KIF26B: variants seen among roughly 807,000 people sequenced by gnomAD.
KIF26B encodes kinesin-like protein KIF26B.
KIF26B carries 63 observed loss-of-function variants against 151.2 expected under a neutral mutation model. The ratio of observed to expected loss-of-function variants is 0.42; its 90% CI spans 0.34 to 0.51. KIF26B has a LOEUF of 0.51. Among genes scored for constraint, KIF26B ranks in the 20% least tolerant of loss-of-function variants. The pLI is 0.07. For missense variants in KIF26B, 2,813 were observed against 2,913.6 expected, an observed-to-expected ratio of 0.97 and a Z score of 0.79; for synonymous variants, 1,357 against 1,262.1, an observed-to-expected ratio of 1.08 and a Z score of -1.59.
At chr1:245,639,261 ATAGT>A (rs2103179130) in intron 9 of KIF26B, among the ~76,000 whole-genome samples, 1 of 151,942 alleles carries the variant, frequency 6.6e-6, no homozygotes, top group Admixed American at 6.5e-5. Context: ...TTATTGGCAT[ATAGT>A]TATTCATAAT....
chr1:245,466,403 C>T (rs911940848), intron 4 of KIF26B, among the ~76,000 whole-genome samples: 11 of 152,152 alleles, frequency 7.2e-5, no homozygotes, highest in South Asian at 2.1e-4. Flanking sequence ...GGCTGCAACC[C>T]GAAGTTATTT....
intron 8 of KIF26B, among the ~76,000 whole-genome samples, chr1:245,610,408 C>A (rs184357904): frequency 6.6e-6 from 1 of 152,122 alleles, no homozygotes; most frequent in Non-Finnish European, 1.5e-5. Context: ...CGCTGGGCAC[C>A]CCCCCAGAGT....
intron 4 of KIF26B, among the ~76,000 whole-genome samples, chr1:245,529,861 G>C (rs1300853625): frequency 6.6e-6 from 1 of 152,056 alleles, no homozygotes; most frequent in Non-Finnish European, 1.5e-5. Context: ...CACAGCACAG[G>C]AAACAATCAA....
At chr1:245,172,951 C>G (rs1317867713) in intron 2 of KIF26B, among the ~76,000 whole-genome samples, 1 of 152,304 alleles carries the variant, frequency 6.6e-6, no homozygotes, top group Non-Finnish European at 1.5e-5. Context: ...GTACGATAGC[C>G]ATGTTCATAG....
intron 5 of KIF26B, among the ~76,000 whole-genome samples, chr1:245,582,969 T>C (rs945348197): frequency 1.3e-4 from 20 of 152,004 alleles, no homozygotes; most frequent in African/African-American, 4.8e-4. Context: ...CCCCACTCTC[T>C]CTCAGAGGTG....
At chr1:245,347,493 A>T (rs901305020) in intron 2 of KIF26B, among the ~76,000 whole-genome samples, 2 of 151,950 alleles carry the variant, frequency 1.3e-5, no homozygotes, top group African/African-American at 4.8e-5. Context: ...GCTAATTTTT[A>T]AATTTTTTTT....
chr1:245,224,286 A>G (rs1669832564), intron 2 of KIF26B, among the ~76,000 whole-genome samples: 1 of 39,648 alleles, frequency 2.5e-5, no homozygotes, highest in Non-Finnish European at 8.2e-5. Context: ...ACTCCGTCTC[A>G]AAGAAAAAAA....
At chr1:245,231,675 A>AAGGAGGAGGAGGAGGATAAGG (rs1670001496) in intron 2 of KIF26B, among the ~76,000 whole-genome samples, 1 of 152,016 alleles carries the variant, frequency 6.6e-6, no homozygotes, top group Non-Finnish European at 1.5e-5. Context: ...GATGAGGGAG[A>AAGGAGGAGGAGGAGGATAAGG]AGGAGGAGGA....
In KIF26B at chr1:245,540,535, G is replaced by A. The variant is rs745441011; in HGVS notation, c.1167-232G>A. The A allele has an allele frequency of 1.2e-5, 8 of 695,230 alleles. No individual in the cohort carries two copies. The South Asian group carries it at 1.2e-4, about 10-fold the overall frequency. The allele number at this position is 695,230 out of a possible 1,614,324, so 43.1% of individuals were successfully genotyped here. ...TCATTCTTTGTAAATCGTGATTGCA[G>A]AATCCTGCTATTTTATGGCTTTGTT... On this transcript the variant is annotated intron_variant, in intron 4 of 14. Coordinates refer to ENST00000407071, the MANE Select transcript of KIF26B (RefSeq NM_018012.4). This position sits in a 1 kb window ranked among gnomAD's most constrained non-coding sequence, Gnocchi z 4.6.
intron 2 of KIF26B, among the ~76,000 whole-genome samples, chr1:245,354,284 G>A (rs370256115): frequency 1.3e-5 from 2 of 152,174 alleles, no homozygotes; most frequent in African/African-American, 4.8e-5. Flanking sequence ...AAACTACAAA[G>A]TTACCATGAT....
At chr1:245,418,140 C>T (rs1237702844) in intron 3 of KIF26B, among the ~76,000 whole-genome samples, 1 of 152,204 alleles carries the variant, frequency 6.6e-6, no homozygotes, top group East Asian at 1.9e-4. Context: ...CAGCTGCGCC[C>T]TCCAAGCTGC....
intron 9 of KIF26B, among the ~76,000 whole-genome samples, chr1:245,644,288 A>AT (rs372655055): frequency 7.9e-5 from 12 of 151,182 alleles, no homozygotes; most frequent in Non-Finnish European, 1.0e-4. Flanking sequence ...CATCTACTAT[A>AT]TTTTTTTTAT....
chr1:245,464,468 C>T (rs554511750), intron 4 of KIF26B, among the ~76,000 whole-genome samples: 9 of 129,526 alleles, frequency 6.9e-5, no homozygotes, highest in African/African-American at 2.4e-4. Flanking sequence ...TGTGCGTGCG[C>T]GTGTGGGGGT....
At chr1:245,511,040 G>C (rs890111657) in intron 4 of KIF26B, 7 of 711,536 alleles carry the variant, frequency 9.8e-6, no homozygotes, top group Admixed American at 8.3e-5. Flanking sequence ...ACATTTGAGA[G>C]AAGCTATTTA....
At chr1:245,610,100 C>T (rs1329570756) in intron 8 of KIF26B, among the ~76,000 whole-genome samples, 2 of 152,162 alleles carry the variant, frequency 1.3e-5, no homozygotes, top group African/African-American at 4.8e-5. Flanking sequence ...AGGAATGACC[C>T]GGGAGCTGCA....
At chr1:245,280,708 C>T (rs1245462184) in intron 2 of KIF26B, among the ~76,000 whole-genome samples, 1 of 127,450 alleles carries the variant, frequency 7.8e-6, no homozygotes, top group Non-Finnish European at 1.6e-5. Context: ...CACCCATTAA[C>T]TCGTCATCTA....
At chr1:245,609,141 C>G in intron 7 of KIF26B, 125 bp from the exon 8 acceptor site, 21 of 840,092 alleles carry the variant, frequency 2.5e-5, no homozygotes, top group Non-Finnish European at 3.5e-5. Context: ...TCTTTTTGTT[C>G]CTTCTCTTCC....
intron 10 of KIF26B, among the ~76,000 whole-genome samples, chr1:245,652,102 C>CTGTGTGTGTGTGTG (rs56893913): frequency 3.1e-4 from 42 of 136,444 alleles, no homozygotes; most frequent in Non-Finnish European, 5.1e-4. Flanking sequence ...ATGTAAGAAT[C>CTGTGTGTGTGTGTG]TGTGTGTGTG....
chr1:245,583,427 A>ACT (rs141944966), intron 5 of KIF26B, among the ~76,000 whole-genome samples: 15,447 of 151,490 alleles, frequency 0.1, 843 homozygotes, highest in Middle Eastern at 0.18. Flanking sequence ...CCTGGCTGAG[A>ACT]CTCTCTCTCT....
Sources: allele counts gnomAD v4.1 joint callset (sites outside exome capture counted in the v4.1 genomes callset), GRCh38; gene constraint gnomAD v4.1.1; non-coding constraint Gnocchi (gnomAD v3.1); transcripts MANE v1.5; gene names NCBI Gene and HGNC (gene_info 2026-07-23, HGNC 2026-07-21).